Variants in UBE4B observed in about 807,000 individuals in gnomAD.
The protein encoded by UBE4B is ubiquitination factor E4B, also known as ubiquitin conjugation factor E4 B.
UBE4B carries 27 observed loss-of-function variants against 148.1 expected under a neutral mutation model. That is an observed-to-expected ratio of 0.18 (90% CI 0.13 to 0.25). UBE4B has a LOEUF of 0.25. Ranked by LOEUF, UBE4B falls within the 10% of genes least tolerant of loss-of-function variation. The pLI, the probability that UBE4B is intolerant of heterozygous loss-of-function variation, is 1.00. For synonymous variants in UBE4B, 596 were observed against 619.3 expected (o/e 0.96, Z 0.56); for missense variants, 1,170 against 1,662.4 (o/e 0.70, Z 5.15).
chr1:10,095,615 T>C lies in UBE4B; in HGVS notation c.347+19T>C, dbSNP rs1372146614. Reference sequence around the variant, plus strand: ...AGAAAAGGTAAAATGAAGCCAGTTTTCTAATATGCTCTTTTATTTAGGGAA... The same window carrying C: ...AGAAAAGGTAAAATGAAGCCAGTTTCCTAATATGCTCTTTTATTTAGGGAA... On this transcript the variant is annotated intron_variant, in intron 3 of 27. Coordinates refer to ENST00000343090, the MANE Select transcript of UBE4B (RefSeq NM_001105562.3). 1 of 1,613,892 alleles carries C rather than the reference T, an allele frequency of 6.2e-7. No homozygotes were observed. The highest frequency in any genetic ancestry group is 2.2e-5 in the East Asian group (1 of 44,884).
chr1:10,100,949 A>G (rs575620896), intron 3 of UBE4B, 159 bp from the exon 4 acceptor site: 606 of 628,252 alleles, frequency 9.6e-4, no homozygotes, highest in Admixed American at 2.3e-3. Flanking sequence ...ATCCTAATTT[A>G]TGAAGAACTC....
chr1:10,135,510 G>A (rs1228490876), intron 16 of UBE4B, among the ~76,000 whole-genome samples: 1 of 151,608 alleles, frequency 6.6e-6, no homozygotes, highest in African/African-American at 2.4e-5. Context: ...AGGCTGAGGT[G>A]GGCAGATCAA....
At chr1:10,083,838 G>T (rs565641307) in intron 2 of UBE4B, among the ~76,000 whole-genome samples, 1 of 152,204 alleles carries the variant, frequency 6.6e-6, no homozygotes, top group South Asian at 2.1e-4. Flanking sequence ...CCCCCAAAGG[G>T]GTATGTTTTA....
In UBE4B at chr1:10,033,086, C is replaced by T. The variant is rs1246248891; in HGVS notation, c.-585C>T. On this transcript the variant is annotated 5_prime_UTR_variant, in exon 1 of 28. Coordinates refer to ENST00000343090, the MANE Select transcript of UBE4B (RefSeq NM_001105562.3). ...GAGCTACGCGCATCCCATCCTCCCC[C>T]TCCCCCCTACCCGGGCTCCGGCGTG... The T allele has an allele frequency of 2.0e-5, 3 of 152,608 alleles. No individual in the cohort carries two copies. The highest frequency in any genetic ancestry group is 4.4e-5 in the Non-Finnish European group (3 of 68,340). The allele number at this position is 152,608 out of a possible 1,614,324, so 9.5% of individuals were successfully genotyped here.
At chr1:10,108,423 C>G (rs1217156377) in intron 7 of UBE4B, among the ~76,000 whole-genome samples, 1 of 152,166 alleles carries the variant, frequency 6.6e-6, no homozygotes, top group Non-Finnish European at 1.5e-5. Context: ...TGAATGTTTA[C>G]CCCTGGAAAC....
chr1:10,085,282 C>A (rs138700382), intron 2 of UBE4B, among the ~76,000 whole-genome samples: 1 of 152,210 alleles, frequency 6.6e-6, no homozygotes, highest in Admixed American at 6.5e-5. Flanking sequence ...GTTCCCTTCT[C>A]CTTCTCCTAG....
chr1:10,148,203 G>A (rs567011469), intron 19 of UBE4B, among the ~76,000 whole-genome samples: 1 of 151,626 alleles, frequency 6.6e-6, no homozygotes, highest in African/African-American at 2.4e-5. Context: ...CTCCAGCCTG[G>A]GTGACGAGCA....
intron 1 of UBE4B, among the ~76,000 whole-genome samples, chr1:10,053,723 C>T (rs1644101327): frequency 6.6e-6 from 1 of 152,104 alleles, no homozygotes; most frequent in African/African-American, 2.4e-5. Flanking sequence ...CTATGTCACC[C>T]AGGCTAGAGT....
At chr1:10,121,251 G>A (rs1205088711) in intron 9 of UBE4B, among the ~76,000 whole-genome samples, 1 of 151,868 alleles carries the variant, frequency 6.6e-6, no homozygotes, top group Non-Finnish European at 1.5e-5. Flanking sequence ...AGCTACTTGG[G>A]AGGCTGAGCA....
At chr1:10,084,031 G>A (rs955018573) in intron 2 of UBE4B, among the ~76,000 whole-genome samples, 9 of 151,790 alleles carry the variant, frequency 5.9e-5, no homozygotes, top group African/African-American at 1.7e-4. Context: ...CCCACCCCCT[G>A]CCCCATTTTT....
rs765071903 is a variant in UBE4B at position 10,095,622 on chromosome 1, T to C, written c.347+26T>C. The C allele has an allele frequency of 5.0e-6, 8 of 1,613,576 alleles. 1 individual carries two copies. The South Asian group carries it at 6.6e-5, about 13-fold the overall frequency. On this transcript the variant is annotated intron_variant, in intron 3 of 27. Transcript: ENST00000343090. ...GTAAAATGAAGCCAGTTTTCTAATA[T>C]GCTCTTTTATTTAGGGAAAGAGAAA...
intron 1 of UBE4B, among the ~76,000 whole-genome samples, chr1:10,040,159 C>T (rs1385575110): frequency 1.3e-5 from 2 of 151,568 alleles, no homozygotes. Flanking sequence ...GGGTCTCCCT[C>T]TGTCGCCCAG....
Position 10,146,958 on chromosome 1 carries a change from C to T in UBE4B, c.2464-5C>T, listed in dbSNP as rs1344492628. The T allele has an allele frequency of 6.2e-7, 1 of 1,613,350 alleles. No homozygotes were observed. The highest frequency in any genetic ancestry group is 8.5e-7 in the Non-Finnish European group (1 of 1,179,578). ...CTTTGGGTGGGGACATCCCTGCTTCCACAGAAACTGGTACGGTGCAAGGCC... is the reference window on the plus strand; with the variant it reads ...CTTTGGGTGGGGACATCCCTGCTTCTACAGAAACTGGTACGGTGCAAGGCC... On this transcript the variant is annotated splice_polypyrimidine_tract_variant and splice_region_variant and intron_variant, in intron 18 of 27. Coordinates refer to ENST00000343090, the MANE Select transcript of UBE4B (RefSeq NM_001105562.3).
chr1:10,095,704 C>T, intron 3 of UBE4B, 108 bp downstream of exon 3: 1 of 1,284,736 alleles, frequency 7.8e-7, no homozygotes, highest in South Asian at 1.4e-5. Flanking sequence ...GAGACCCATG[C>T]CAGTCCTTAG....
chr1:10,050,354 G>A (rs773071983), intron 1 of UBE4B, among the ~76,000 whole-genome samples: 1 of 152,190 alleles, frequency 6.6e-6, no homozygotes, highest in African/African-American at 2.4e-5. Flanking sequence ...TTACAGGTGT[G>A]AGCCAGTGTG....
intron 20 of UBE4B, among the ~76,000 whole-genome samples, chr1:10,149,784 A>G (rs1645939947): frequency 2.0e-5 from 3 of 152,202 alleles, no homozygotes; most frequent in Admixed American, 1.3e-4. Context: ...GGTTAGAAGA[A>G]TTACAATTTC....
rs1405472306 is a variant in UBE4B, at chr1:10,106,678, T to C, written c.1196+95T>C. On this transcript the variant is annotated intron_variant, in intron 7 of 27. Coordinates refer to ENST00000343090, the MANE Select transcript of UBE4B (RefSeq NM_001105562.3). This position sits in a 1 kb window ranked among gnomAD's most constrained non-coding sequence, Gnocchi z 4.2. ...GAAGTGCTGTGTGACACTGACTCTG[T>C]TAAATTGTTGTTTTGGGTTATTAAC... 1 of 1,435,682 alleles carries C rather than the reference T, an allele frequency of 7.0e-7. No individual in the cohort carries two copies. The highest frequency in any genetic ancestry group is 9.1e-7 in the Non-Finnish European group (1 of 1,095,820). 88.9% of individuals were successfully genotyped at this position (1,435,682 alleles called of 1,614,324 possible).
intron 1 of UBE4B, among the ~76,000 whole-genome samples, chr1:10,034,564 A>G (rs574619999): frequency 3.9e-4 from 59 of 151,736 alleles, no homozygotes; most frequent in African/African-American, 1.3e-3. Flanking sequence ...CCTTTTTGCA[A>G]ATTAGGAGCT....
intron 5 of UBE4B, among the ~76,000 whole-genome samples, chr1:10,104,153 T>G (rs1645069411): frequency 6.6e-6 from 1 of 152,244 alleles, no homozygotes; most frequent in Non-Finnish European, 1.5e-5. Flanking sequence ...TAAGTGCCTA[T>G]GAAGCCATGT....
Sources: gnomAD v4.1 joint callset for allele counts (sites outside exome capture counted in the v4.1 genomes callset) on GRCh38, gnomAD v4.1.1 for gene constraint, Gnocchi (gnomAD v3.1) non-coding constraint, MANE v1.5 for transcripts, NCBI Gene and HGNC (gene_info 2026-07-23, HGNC 2026-07-21) for gene names.